RGS7: variants seen among roughly 807,000 people sequenced by gnomAD.
The protein encoded by RGS7 is regulator of G-protein signaling 7.
A neutral mutation model predicts 81.1 loss-of-function variants in RGS7; 27 were observed. The ratio of observed to expected loss-of-function variants is 0.33; its 90% CI spans 0.25 to 0.46. The LOEUF (loss-of-function observed/expected upper bound fraction) is 0.46, where lower values mean the gene tolerates loss of function less well. Ranked by LOEUF, RGS7 falls within the 20% of genes least tolerant of loss-of-function variation. RGS7 has a pLI of 1.00. For synonymous variants in RGS7, 208 were observed against 207.7 expected, an observed-to-expected ratio of 1.00 and a Z score of -0.01; for missense variants, 396 against 607.4, an observed-to-expected ratio of 0.65 and a Z score of 3.66.
intron 3 of RGS7, among the ~76,000 whole-genome samples, chr1:241,089,063 C>CTCTCTCTCTCTCTCTCTCTCTCTATATA (rs1374552672): frequency 4.2e-5 from 1 of 23,704 alleles, no homozygotes; most frequent in Non-Finnish European, 7.4e-5. Context: ...CTCTCTCTCT[C>CTCTCTCTCTCTCTCTCTCTCTCTATATA]TATATATATA....
chr1:241,331,861 G>A (rs549085931), intron 2 of RGS7, among the ~76,000 whole-genome samples: 9 of 152,280 alleles, frequency 5.9e-5, no homozygotes, highest in Middle Eastern at 3.4e-3. Context: ...ATGCAGAGAC[G>A]AAAAATATCA....
intron 3 of RGS7, among the ~76,000 whole-genome samples, chr1:241,014,312 C>G (rs1005428995): frequency 2.9e-4 from 44 of 152,186 alleles, no homozygotes; most frequent in African/African-American, 8.9e-4. Context: ...TGTCTACAAC[C>G]AGCCTTCAAT....
chr1:241,325,159 G>A (rs908629045), intron 2 of RGS7, among the ~76,000 whole-genome samples: 9 of 152,140 alleles, frequency 5.9e-5, no homozygotes, highest in Non-Finnish European at 1.0e-4. Flanking sequence ...TTGCTACGGG[G>A]GAAACCCAAT....
intron 2 of RGS7, among the ~76,000 whole-genome samples, chr1:241,206,992 G>T (rs1222098493): frequency 2.2e-5 from 2 of 90,896 alleles, no homozygotes; most frequent in African/African-American, 4.2e-5. Context: ...TTTTTGAGAT[G>T]GAGTCTCGCT....
intron 5 of RGS7, among the ~76,000 whole-genome samples, chr1:240,933,094 G>A (rs981926958): frequency 4.7e-5 from 7 of 149,978 alleles, no homozygotes; most frequent in Admixed American, 2.0e-4. Context: ...GTGTTAGCCA[G>A]GATGGTCTCC....
chr1:241,135,155 G>T (rs370027462), intron 2 of RGS7, among the ~76,000 whole-genome samples: 3 of 152,132 alleles, frequency 2.0e-5, no homozygotes, highest in Non-Finnish European at 4.4e-5. Flanking sequence ...GGCCGGGCGC[G>T]GTGGCTCATG....
At chr1:241,079,801 C>G (rs1265674940) in intron 3 of RGS7, among the ~76,000 whole-genome samples, 1 of 151,862 alleles carries the variant, frequency 6.6e-6, no homozygotes, top group Non-Finnish European at 1.5e-5. Context: ...TCAAAGAGAG[C>G]AAGCCATCCC....
At chr1:240,980,457 G>A (rs1460232640) in intron 4 of RGS7, among the ~76,000 whole-genome samples, 1 of 152,128 alleles carries the variant, frequency 6.6e-6, no homozygotes, top group East Asian at 1.9e-4. Flanking sequence ...GGCTACCAGA[G>A]AGCACACAAG....
intron 5 of RGS7, among the ~76,000 whole-genome samples, chr1:240,933,058 A>AT (rs1341657772): frequency 2.8e-5 from 4 of 145,280 alleles, no homozygotes; most frequent in African/African-American, 7.7e-5. Flanking sequence ...AATTTTTTGT[A>AT]TTTTCAGTAG....
intron 10 of RGS7, among the ~76,000 whole-genome samples, chr1:240,819,433 G>A (rs1259342914): frequency 1.3e-5 from 2 of 152,086 alleles, no homozygotes; most frequent in Non-Finnish European, 1.5e-5. Flanking sequence ...TGCATTTCCT[G>A]TAAACTTCAT....
intron 2 of RGS7, among the ~76,000 whole-genome samples, chr1:241,216,936 C>A (rs2074592833): frequency 6.6e-6 from 1 of 152,144 alleles, no homozygotes; most frequent in Non-Finnish European, 1.5e-5. Flanking sequence ...GATAGCTATC[C>A]CTGATTGCTT....
At chr1:241,181,013 T>C (rs569271627) in intron 2 of RGS7, among the ~76,000 whole-genome samples, 2 of 152,316 alleles carry the variant, frequency 1.3e-5, no homozygotes, top group African/African-American at 2.4e-5. Context: ...GGCAAAAATA[T>C]GGAGACAATA....
At chr1:241,303,912 G>A (rs1185521510) in intron 2 of RGS7, among the ~76,000 whole-genome samples, 2 of 152,134 alleles carry the variant, frequency 1.3e-5, no homozygotes, top group African/African-American at 4.8e-5. Flanking sequence ...AGGTGCAGGT[G>A]GTGCACGTCC....
chr1:241,142,753 A>T (rs1344320530), intron 2 of RGS7, among the ~76,000 whole-genome samples: 2 of 152,218 alleles, frequency 1.3e-5, no homozygotes, highest in Non-Finnish European at 2.9e-5. Context: ...GGTAATTAAC[A>T]TTCAGCTCCT....
At chr1:240,910,606 G>A (rs747192955) in intron 6 of RGS7, among the ~76,000 whole-genome samples, 2 of 152,162 alleles carry the variant, frequency 1.3e-5, no homozygotes, top group Non-Finnish European at 2.9e-5. Context: ...CCAGCACAAA[G>A]AAATAATAGT....
At chr1:240,836,151 T>A (rs1309553010) in intron 9 of RGS7, among the ~76,000 whole-genome samples, 4 of 31,116 alleles carry the variant, frequency 1.3e-4, no homozygotes, top group Non-Finnish European at 1.9e-4. Context: ...GGGTTGGGGG[T>A]GGGGGGTTGA....
intron 2 of RGS7, among the ~76,000 whole-genome samples, chr1:241,260,153 T>C (rs760476020): frequency 3.3e-5 from 5 of 152,172 alleles, no homozygotes; most frequent in African/African-American, 4.8e-5. Context: ...ACTGTCTCTA[T>C]TGATCTCACT....
chr1:241,018,311 T>A (rs984102201), intron 3 of RGS7, among the ~76,000 whole-genome samples: 29 of 152,042 alleles, frequency 1.9e-4, no homozygotes, highest in African/African-American at 7.0e-4. Context: ...CTGTGTTTTT[T>A]CCTCATGTTT....
chr1:240,787,794 C>G (rs1287370487), intron 18 of RGS7, among the ~76,000 whole-genome samples: 1 of 152,054 alleles, frequency 6.6e-6, no homozygotes, highest in African/African-American at 2.4e-5. Flanking sequence ...ACGAAGAAAC[C>G]TAGCAGCAAA....
Sources: gnomAD v4.1 joint callset for allele counts (sites outside exome capture counted in the v4.1 genomes callset) on GRCh38, gnomAD v4.1.1 for gene constraint, MANE v1.5 for transcripts, NCBI Gene and HGNC (gene_info 2026-07-23, HGNC 2026-07-21) for gene names.